The following SH3BGRL2 variants were observed in gnomAD, a reference collection of about 807,000 sequenced individuals.
The protein encoded by SH3BGRL2 is SH3 domain binding glutamate rich protein like 2.
In SH3BGRL2, 21 loss-of-function variants were observed where a neutral mutation model predicts 14.8. That is an observed-to-expected ratio of 1.42 (90% CI 1.01 to 2.05). SH3BGRL2 has a LOEUF of 2.05. SH3BGRL2 is among the 30% of genes most tolerant of loss of function. SH3BGRL2 has a pLI of 0.00. For missense variants in SH3BGRL2, 147 were observed against 130.8 expected (o/e 1.12, Z -0.61); for synonymous variants, 50 against 47.8 (o/e 1.05, Z -0.19).
chr6:79,687,054 T>C (rs1351562045), intron 2 of SH3BGRL2, among the ~76,000 whole-genome samples: 1 of 152,142 alleles, frequency 6.6e-6, no homozygotes, highest in Admixed American at 6.5e-5. Flanking sequence ...GCAGCGAGTG[T>C]TGTTTGGAGA....
intron 1 of SH3BGRL2, among the ~76,000 whole-genome samples, chr6:79,643,026 G>T (rs1014077401): frequency 2.0e-5 from 3 of 152,136 alleles, no homozygotes; most frequent in African/African-American, 4.8e-5. Flanking sequence ...GACCCATTGT[G>T]CTGAGCTTTG....
In SH3BGRL2 at chr6:79,642,421, T is replaced by C. The variant is rs1354136349; in HGVS notation, c.45+10915T>C. 2.0e-5 allele frequency among the ~76,000 whole-genome samples: 3 copies of C among 152,170 alleles called. No individual in the cohort carries two copies. In the East Asian group the frequency reaches 5.8e-4, roughly 29 times the overall value. On this transcript the variant is annotated intron_variant, in intron 1 of 3. Coordinates refer to ENST00000369838, the MANE Select transcript of SH3BGRL2 (RefSeq NM_031469.4). ...CACCAAATATACTGTGTATGTTTTT[T>C]TTAGAGCCCTGGCTTGATCTAAGGA...
At chr6:79,544,343 T>TA in the SH3BGRL2 span, among the ~76,000 whole-genome samples, 60 of 152,216 alleles carry the variant, frequency 3.9e-4, no homozygotes, top group Non-Finnish European at 4.7e-4. Context: ...GTGAGGTGCT[T>TA]AAAAAATCCC....
the SH3BGRL2 span, among the ~76,000 whole-genome samples, chr6:79,602,236 G>T: frequency 1.3e-5 from 2 of 152,140 alleles, no homozygotes; most frequent in South Asian, 4.1e-4. Flanking sequence ...ATAGACCTTA[G>T]AGTCTACTGG....
chr6:79,544,427 A>G, the SH3BGRL2 span, among the ~76,000 whole-genome samples: 3 of 152,168 alleles, frequency 2.0e-5, no homozygotes, highest in African/African-American at 7.2e-5. Flanking sequence ...CTAGCTTGCA[A>G]AAGCCAATTG....
the SH3BGRL2 span, among the ~76,000 whole-genome samples, chr6:79,556,003 C>T: frequency 6.6e-6 from 1 of 152,086 alleles, no homozygotes; most frequent in South Asian, 2.1e-4. Context: ...ATGTCGTGGG[C>T]TTAGGCAACT....
chr6:79,663,441 A>G (rs1769594184), intron 1 of SH3BGRL2, among the ~76,000 whole-genome samples: 1 of 151,978 alleles, frequency 6.6e-6, no homozygotes, highest in Admixed American at 6.6e-5. Flanking sequence ...CTGGAGGTCC[A>G]CTCCAGACCT....
At chr6:79,554,152 C>A in the SH3BGRL2 span, among the ~76,000 whole-genome samples, 1 of 152,038 alleles carries the variant, frequency 6.6e-6, no homozygotes, top group Non-Finnish European at 1.5e-5. Context: ...GAAATTTCAG[C>A]TCAAAATATA....
the SH3BGRL2 span, among the ~76,000 whole-genome samples, chr6:79,622,411 T>G: frequency 6.6e-5 from 10 of 152,186 alleles, no homozygotes; most frequent in Non-Finnish European, 1.5e-4. Flanking sequence ...CTTATTCTAC[T>G]TTACTATCTA....
intron 3 of SH3BGRL2, among the ~76,000 whole-genome samples, chr6:79,697,268 A>T (rs548396840): frequency 9.2e-5 from 14 of 152,294 alleles, no homozygotes; most frequent in Admixed American, 7.8e-4. Flanking sequence ...TTGGGAAAAT[A>T]TTAAAAAAGG....
In SH3BGRL2 at chr6:79,658,542, T is replaced by C. The variant is rs9448759; in HGVS notation, c.46-15072T>C. Among the ~76,000 whole-genome samples the C allele has an allele frequency of 6.9e-3, 1,045 of 152,364 alleles. 12 individuals carry two copies. Among genetic ancestry groups the C allele is most frequent in the African/African-American group, 0.023 (972 of 41,576 alleles). ...CACATTTTCTTAATCCAGTCTATCA[T>C]TGATGGACATTTGGGTTGGTTCCAA... is the stretch of plus-strand genomic sequence containing the variant. On this transcript the variant is annotated intron_variant, in intron 1 of 3. Coordinates refer to ENST00000369838, the MANE Select transcript of SH3BGRL2 (RefSeq NM_031469.4).
chr6:79,580,817 C>G, the SH3BGRL2 span, among the ~76,000 whole-genome samples: 1 of 151,988 alleles, frequency 6.6e-6, no homozygotes, highest in Non-Finnish European at 1.5e-5. Context: ...GACAGAGACA[C>G]AAAAAAACCT....
rs542744046 is a variant in SH3BGRL2 at position 79,678,740 on chromosome 6, C to A, written c.231+4941C>A. On this transcript the variant is annotated intron_variant, in intron 2 of 3. Coordinates refer to ENST00000369838, the MANE Select transcript of SH3BGRL2 (RefSeq NM_031469.4). The stretch of plus-strand genomic sequence containing the variant: ...TGCACTGGGATAGTGAGCATAGTAC[C>A]CAATAGGTAGTTTTTTGACGCATAT... Among the ~76,000 whole-genome samples, 246 of 152,028 alleles carry A rather than the reference C, an allele frequency of 1.6e-3. 1 individual carries two copies. Among genetic ancestry groups the A allele is most frequent in the African/African-American group, 5.6e-3 (234 of 41,444 alleles).
intron 1 of SH3BGRL2, among the ~76,000 whole-genome samples, chr6:79,651,602 C>CAG (rs10645507): frequency 0.45 from 68,794 of 151,728 alleles, 16,464 homozygotes; most frequent in Non-Finnish European, 0.53. Flanking sequence ...TTACATCAAA[C>CAG]GGGAATAAAT....
At chr6:79,573,809 C>G in the SH3BGRL2 span, 1 of 152,008 alleles carries the variant, frequency 6.6e-6, no homozygotes, top group East Asian at 1.9e-4. Flanking sequence ...TTTAAACTTG[C>G]TGAATGTATT....
the SH3BGRL2 span, among the ~76,000 whole-genome samples, chr6:79,586,084 T>C: frequency 1.3e-5 from 2 of 151,776 alleles, no homozygotes; most frequent in East Asian, 3.9e-4. Flanking sequence ...TAATCCCAGC[T>C]ACTCGGGAGG....
the SH3BGRL2 span, among the ~76,000 whole-genome samples, chr6:79,573,278 A>G: frequency 5.9e-5 from 9 of 152,166 alleles, no homozygotes; most frequent in Admixed American, 5.9e-4. Flanking sequence ...CTGCAATGCC[A>G]CTGATGTTAA....
the SH3BGRL2 span, among the ~76,000 whole-genome samples, chr6:79,615,817 CT>C: frequency 0.5 from 61,944 of 124,154 alleles, 14,827 homozygotes; most frequent in East Asian, 0.78. Flanking sequence ...CCACTCCTGC[CT>C]TTTTTTTTTC....
the SH3BGRL2 span, among the ~76,000 whole-genome samples, chr6:79,587,667 C>T: frequency 5.9e-5 from 9 of 152,256 alleles, no homozygotes; most frequent in East Asian, 1.7e-3. Context: ...TTCTTCTACC[C>T]TCTTAAGTTC....
Sources: allele counts gnomAD v4.1 joint callset (sites outside exome capture counted in the v4.1 genomes callset), GRCh38; gene constraint gnomAD v4.1.1; transcripts MANE v1.5; gene names NCBI Gene and HGNC (gene_info 2026-07-23, HGNC 2026-07-21).